XKR6: variants seen among roughly 807,000 people sequenced by gnomAD.
XKR6 encodes the protein XK-related protein 6.
In XKR6, 22 loss-of-function variants were observed where a neutral mutation model predicts 56.7. The ratio of observed to expected loss-of-function variants is 0.39; its 90% CI spans 0.28 to 0.55. XKR6 has a LOEUF of 0.55. XKR6 is among the 20% of genes least tolerant of loss of function. The pLI is 0.66. For synonymous variants in XKR6, 524 were observed against 387.8 expected (o/e 1.35, Z -4.13); for missense variants, 852 against 889.0 (o/e 0.96, Z 0.53).
chr8:11,081,887 G>C (rs570139538), intron 1 of XKR6, among the ~76,000 whole-genome samples: 26 of 152,324 alleles, frequency 1.7e-4, no homozygotes, highest in African/African-American at 5.1e-4. Context: ...AAAGGAAAAT[G>C]GTCCTTGCCC....
intron 1 of XKR6, among the ~76,000 whole-genome samples, chr8:11,049,374 T>C (rs946018034): frequency 3.3e-5 from 5 of 152,122 alleles, no homozygotes; most frequent in South Asian, 2.1e-4. Flanking sequence ...GCTGGGACTT[T>C]ATTTGAGTCT....
At chr8:11,174,731 C>T (rs6986032) in intron 1 of XKR6, among the ~76,000 whole-genome samples, 88,225 of 151,888 alleles carry the variant, frequency 0.58, 29,206 homozygotes, top group African/African-American at 0.89. Flanking sequence ...CCCTGCCCTT[C>T]GCACTTTCCA....
rs116382529 is a variant in XKR6, at chr8:11,134,897, T to C, written c.764+65679A>G. 5.9e-3 allele frequency among the ~76,000 whole-genome samples: 904 copies of C among 152,262 alleles called. 16 individuals carry two copies. The highest frequency in any genetic ancestry group is 0.021 in the African/African-American group (872 of 41,502). On this transcript the variant is annotated intron_variant, in intron 1 of 2. Transcript: ENST00000416569. The stretch of plus-strand genomic sequence containing the variant: ...AATGCTATACAACCATAGAAAATTA[T>C]GTCATAGGATGACATTTAATAATAC...
At chr8:11,099,152 C>G (rs763077207) in intron 1 of XKR6, among the ~76,000 whole-genome samples, 2 of 152,136 alleles carry the variant, frequency 1.3e-5, no homozygotes, top group Non-Finnish European at 2.9e-5. Flanking sequence ...TTACAGCTCC[C>G]GCTCCACTGA....
chr8:11,026,551 G>A (rs935866392), intron 1 of XKR6, among the ~76,000 whole-genome samples: 11 of 148,800 alleles, frequency 7.4e-5, no homozygotes, highest in African/African-American at 2.7e-4. Flanking sequence ...AGATGGTCTA[G>A]CCTACTAAAC....
At chr8:11,109,012 T>TTCG (rs1300877275) in intron 1 of XKR6, 1 of 152,266 alleles carries the variant, frequency 6.6e-6, no homozygotes, top group Non-Finnish European at 1.5e-5. Flanking sequence ...TAACGATGTA[T>TTCG]TCGTCCCTGG....
chr8:11,077,393 G>A (rs947288664), intron 1 of XKR6, among the ~76,000 whole-genome samples: 2 of 152,136 alleles, frequency 1.3e-5, no homozygotes, highest in African/African-American at 4.8e-5. Flanking sequence ...CTGCAGCCCT[G>A]GGGCGCTCTG....
At chr8:11,182,871 C>A (rs535158561) in intron 1 of XKR6, among the ~76,000 whole-genome samples, 7 of 152,180 alleles carry the variant, frequency 4.6e-5, no homozygotes, top group Non-Finnish European at 8.8e-5. Context: ...AGTAACTCCA[C>A]GTATCCCCTC....
rs766971738 is a variant in XKR6 at position 10,898,268 on chromosome 8, C to T, written c.1610G>A (p.Arg537Gln). ...EPMAPEIPGY[R>Q]GTQVTPTRAV... ...TCTGGTGGGCGTAACCTGGGTCCCCCGGTACCCAGGGATCTCAGGCGCCAT... is the reference window on the plus strand; with the variant it reads ...TCTGGTGGGCGTAACCTGGGTCCCCTGGTACCCAGGGATCTCAGGCGCCAT... Residue 537 changes from arginine to glutamine, a missense_variant, in exon 3 of 3, where the codon CGG becomes CAG. Transcript: ENST00000416569. This position sits in a 1 kb window ranked among gnomAD's most constrained non-coding sequence, Gnocchi z 6.6. The T allele has an allele frequency of 2.5e-5, 41 of 1,613,966 alleles. No individual in the cohort carries two copies. Among genetic ancestry groups the T allele is most frequent in the Middle Eastern group, 1.6e-4 (1 of 6,082 alleles).
chr8:11,077,354 G>A (rs1330626606), intron 1 of XKR6, among the ~76,000 whole-genome samples: 1 of 152,180 alleles, frequency 6.6e-6, no homozygotes, highest in Non-Finnish European at 1.5e-5. Flanking sequence ...GGCCCCTCCT[G>A]AGAGTGGCTG....
intron 1 of XKR6, among the ~76,000 whole-genome samples, chr8:11,086,148 A>ATATATTTTTT (rs71203369): frequency 6.6e-5 from 8 of 120,742 alleles, no homozygotes; most frequent in African/African-American, 3.1e-4. Flanking sequence ...ATATATATAT[A>ATATATTTTTT]TTTTTTTTTA....
chr8:11,094,197 A>G (rs1224943163), intron 1 of XKR6, among the ~76,000 whole-genome samples: 4 of 151,774 alleles, frequency 2.6e-5, no homozygotes, highest in Admixed American at 6.6e-5. Flanking sequence ...ATAAGCCCAC[A>G]AACTTACAAA....
intron 1 of XKR6, among the ~76,000 whole-genome samples, chr8:11,169,337 A>G (rs950038719): frequency 5.9e-5 from 9 of 152,194 alleles, no homozygotes; most frequent in Admixed American, 5.9e-4. Context: ...AGACTGCTAC[A>G]TTGTGGTGCA....
chr8:11,073,156 G>C (rs1238293449), intron 1 of XKR6, among the ~76,000 whole-genome samples: 1 of 152,218 alleles, frequency 6.6e-6, no homozygotes, highest in Non-Finnish European at 1.5e-5. Context: ...TCATTCATTA[G>C]CTTGTCTGAT....
At chr8:11,052,071 G>A (rs183117604) in intron 1 of XKR6, among the ~76,000 whole-genome samples, 1 of 152,072 alleles carries the variant, frequency 6.6e-6, no homozygotes, top group Non-Finnish European at 1.5e-5. Flanking sequence ...TCTTTCCACC[G>A]CCTGCCTCTC....
rs189688535 is a variant in XKR6 at position 11,117,387 on chromosome 8, A to G, written c.764+83189T>C. The stretch of plus-strand genomic sequence containing the variant: ...GGGAGTCCTGCAACTTCACATATGC[A>G]GCTTGCACCCTAAACACAACACATT... On this transcript the variant is annotated intron_variant, in intron 1 of 2. Coordinates refer to ENST00000416569, the MANE Select transcript of XKR6 (RefSeq NM_173683.4). Among the ~76,000 whole-genome samples the G allele has an allele frequency of 4.6e-5, 7 of 152,320 alleles. No homozygotes were observed. In the East Asian group the frequency reaches 1.2e-3, roughly 25 times the overall value.
At chr8:10,958,598 G>C (rs552030531) in intron 1 of XKR6, among the ~76,000 whole-genome samples, 8 of 152,270 alleles carry the variant, frequency 5.3e-5, no homozygotes, top group Non-Finnish European at 1.0e-4. Context: ...GGTAGAAATG[G>C]GTGTGATCAC....
Position 11,201,005 on chromosome 8 carries a change from G to T in XKR6, c.335C>A (p.Ala112Asp). The change falls in exon 1 of 3, where the codon GCC (alanine) becomes GAC (aspartate). Residue 112 changes from alanine (A) to aspartate (D), a missense_variant. Ala to Asp is a moderately radical substitution (Grantham distance 126). This residue lies in a region of XKR6 where 417 missense variants were observed against 355.2 expected (regional missense o/e 1.17). Transcript: ENST00000416569. The stretch of plus-strand genomic sequence containing the variant: ...CGGCGGCGGCGGCTCCGGCCGCGCG[G>T]CCGAGGGCGTCGGGGGTTGGCGGCC... The part of the protein sequence containing the change: ...GAGRQPPTPS[A>D]ARPEPPPPQV... The T allele has an allele frequency of 7.2e-7, 1 of 1,393,812 alleles. No individual in the cohort carries two copies. Among genetic ancestry groups the T allele is most frequent in the Non-Finnish European group, 9.3e-7 (1 of 1,073,618 alleles). 86.3% of individuals were successfully genotyped at this position (1,393,812 alleles called of 1,614,324 possible). A position where few individuals can be genotyped will look rare whatever the true frequency, so the allele number is the denominator to read the frequency against.
rs374994194 is a variant in XKR6 at position 10,963,202 on chromosome 8, G to A, written c.765-38372C>T. 5.1e-3 allele frequency among the ~76,000 whole-genome samples: 774 copies of A among 152,266 alleles called. 10 individuals are homozygous for A. The highest frequency in any genetic ancestry group is 0.017 in the African/African-American group (722 of 41,556). ...CTGGCCTTCTCCACCACAAACTCCT[G>A]CTCATGTGGCTGCAGCCACACCGGC... On this transcript the variant is annotated intron_variant, in intron 1 of 2. Transcript: ENST00000416569.
Sources: gnomAD v4.1 joint callset for allele counts (sites outside exome capture counted in the v4.1 genomes callset) on GRCh38, gnomAD v4.1.1 for gene constraint, gnomAD v4.1.1 regional missense constraint, Gnocchi (gnomAD v3.1) non-coding constraint, MANE v1.5 for transcripts, NCBI Gene and HGNC (gene_info 2026-07-23, HGNC 2026-07-21) for gene names.